Variants in SLC24A2 observed in about 807,000 individuals in gnomAD.
SLC24A2 encodes sodium/potassium/calcium exchanger 2.
SLC24A2 carries 36 observed loss-of-function variants against 62.0 expected under a neutral mutation model. That is an observed-to-expected ratio of 0.58 (90% CI 0.44 to 0.77). The LOEUF is 0.77. Among genes scored for constraint, SLC24A2 ranks in the 30% least tolerant of loss-of-function variants. The pLI is 0.00. For synonymous variants in SLC24A2, 358 were observed against 294.0 expected, an observed-to-expected ratio of 1.22 and a Z score of -2.23; for missense variants, 846 against 817.9, an observed-to-expected ratio of 1.03 and a Z score of -0.42.
At position 19,786,178 on chromosome 9, in the gene SLC24A2, A is replaced by G. The variant is rs1823164853; in HGVS notation, c.689T>C (p.Ile230Thr). 6.2e-7 allele frequency: 1 copy of G among 1,614,068 alleles called. No homozygotes were observed. Among genetic ancestry groups the G allele is most frequent in the Non-Finnish European group, 8.5e-7 (1 of 1,180,048 alleles). Reference protein sequence around the residue: ...IGMCALFSREILNLTWWPLFR... With the variant: ...IGMCALFSRETLNLTWWPLFR... ...GAGCGGCCACCATGTCAGGTTTAAG[A>G]TTTCTCTAGAAAACAGAGCACACAT... Residue 230 changes from isoleucine (I) to threonine (T), a missense_variant, in exon 2 of 11, where the codon ATC becomes ACC. Coordinates refer to ENST00000341998, the MANE Select transcript of SLC24A2 (RefSeq NM_020344.4). This position sits in a 1 kb window ranked among gnomAD's most constrained non-coding sequence, Gnocchi z 5.0.
intron 2 of SLC24A2, among the ~76,000 whole-genome samples, chr9:19,681,555 G>T (rs775758184): frequency 6.6e-6 from 1 of 152,110 alleles, no homozygotes; most frequent in Non-Finnish European, 1.5e-5. Context: ...GTTGAGGTGT[G>T]GGGGCAGTGC....
the SLC24A2 span, among the ~76,000 whole-genome samples, chr9:20,060,314 C>T: frequency 6.6e-6 from 1 of 152,066 alleles, no homozygotes; most frequent in Admixed American, 6.6e-5. Context: ...AAAAAGCCAG[C>T]TTTATTCCTC....
the SLC24A2 span, among the ~76,000 whole-genome samples, chr9:19,961,051 T>TGA: frequency 1.5e-5 from 2 of 134,890 alleles, no homozygotes; most frequent in Non-Finnish European, 1.6e-5. Flanking sequence ...TGTGTGTGTG[T>TGA]GAGTGAGAGA....
the SLC24A2 span, among the ~76,000 whole-genome samples, chr9:19,978,861 G>T: frequency 6.6e-6 from 1 of 152,092 alleles, no homozygotes; most frequent in Non-Finnish European, 1.5e-5. Context: ...GGCAGATAAA[G>T]AGCTCTACTG....
chr9:19,570,481 A>G (rs1213015165), intron 7 of SLC24A2, among the ~76,000 whole-genome samples: 2 of 152,206 alleles, frequency 1.3e-5, no homozygotes, highest in African/African-American at 2.4e-5. Flanking sequence ...ATACCAGGTC[A>G]TAATTATTTA....
At chr9:20,114,715 G>A in the SLC24A2 span, among the ~76,000 whole-genome samples, 2 of 152,082 alleles carry the variant, frequency 1.3e-5, no homozygotes, top group African/African-American at 4.8e-5. Flanking sequence ...AACCAGTGGG[G>A]TCACGCCCTT....
the SLC24A2 span, among the ~76,000 whole-genome samples, chr9:20,124,073 C>G: frequency 6.6e-6 from 1 of 152,130 alleles, no homozygotes; most frequent in African/African-American, 2.4e-5. Context: ...AGTTAACAGC[C>G]TTTCCAATAC....
chr9:20,000,894 C>T, the SLC24A2 span, among the ~76,000 whole-genome samples: 28 of 152,154 alleles, frequency 1.8e-4, no homozygotes, highest in Non-Finnish European at 2.6e-4. Flanking sequence ...GTGTGGAGGA[C>T]GGAAGGAGGC....
At chr9:19,820,259 A>G in the SLC24A2 span, among the ~76,000 whole-genome samples, 11 of 149,418 alleles carry the variant, frequency 7.4e-5, no homozygotes, top group African/African-American at 2.7e-4. Context: ...CATAAGAATG[A>G]TACAATGGAG....
chr9:20,046,741 C>T, the SLC24A2 span, among the ~76,000 whole-genome samples: 1 of 152,186 alleles, frequency 6.6e-6, no homozygotes, highest in African/African-American at 2.4e-5. Flanking sequence ...CCCACTTTTT[C>T]ACAGTGGCCC....
At chr9:19,850,950 T>C in the SLC24A2 span, among the ~76,000 whole-genome samples, 13,084 of 43,682 alleles carry the variant, frequency 0.3, 2,858 homozygotes, top group Non-Finnish European at 0.43. Context: ...TATATACATA[T>C]ATATATATAT....
intron 2 of SLC24A2, among the ~76,000 whole-genome samples, chr9:19,770,099 ATTTC>A (rs1564091235): frequency 1.3e-5 from 2 of 150,984 alleles, no homozygotes; most frequent in African/African-American, 4.9e-5. Flanking sequence ...GCTGCTTCTA[ATTTC>A]TTTATGAGCC....
intron 1 of SLC24A2, among the ~76,000 whole-genome samples, chr9:19,788,194 G>A (rs1353194620): frequency 1.3e-5 from 2 of 152,208 alleles, no homozygotes; most frequent in African/African-American, 4.8e-5. Flanking sequence ...ACCCCGCTGA[G>A]TTGCTGCTAC....
chr9:20,281,721 C>T, the SLC24A2 span, among the ~76,000 whole-genome samples: 1 of 152,120 alleles, frequency 6.6e-6, no homozygotes, highest in African/African-American at 2.4e-5. Flanking sequence ...ATTCATTCTA[C>T]TAATAATGGA....
At chr9:19,937,481 T>A in the SLC24A2 span, among the ~76,000 whole-genome samples, 1 of 152,214 alleles carries the variant, frequency 6.6e-6, no homozygotes, top group Non-Finnish European at 1.5e-5. Flanking sequence ...TTTTGGAATA[T>A]CTTGAAAGAT....
intron 2 of SLC24A2, among the ~76,000 whole-genome samples, chr9:19,675,064 C>T (rs975206854): frequency 3.3e-5 from 5 of 152,252 alleles, no homozygotes; most frequent in East Asian, 1.9e-4. Flanking sequence ...TGAGGTAGTG[C>T]TCTCTCCCTT....
chr9:19,797,524 G>C, the SLC24A2 span, among the ~76,000 whole-genome samples: 1 of 152,084 alleles, frequency 6.6e-6, no homozygotes, highest in South Asian at 2.1e-4. Flanking sequence ...TTACTGTAGA[G>C]TAATCAAGTG....
chr9:20,225,065 A>G, the SLC24A2 span, among the ~76,000 whole-genome samples: 1 of 152,120 alleles, frequency 6.6e-6, no homozygotes, highest in Admixed American at 6.6e-5. Context: ...TCTTTCCTCT[A>G]TTCTGTCCTG....
the SLC24A2 span, among the ~76,000 whole-genome samples, chr9:20,198,988 CT>C: frequency 6.6e-6 from 1 of 151,844 alleles, no homozygotes; most frequent in Non-Finnish European, 1.5e-5. Flanking sequence ...TGAGGCACCT[CT>C]TTTTTTTGGA....
Sources: allele counts gnomAD v4.1 joint callset (sites outside exome capture counted in the v4.1 genomes callset), GRCh38; gene constraint gnomAD v4.1.1; non-coding constraint Gnocchi (gnomAD v3.1); transcripts MANE v1.5; gene names NCBI Gene and HGNC (gene_info 2026-07-23, HGNC 2026-07-21).